The following IL13RA2 variants were observed in gnomAD, a reference collection of about 807,000 sequenced individuals.
The protein encoded by IL13RA2 is interleukin-13 receptor subunit alpha-2.
Under a neutral mutation model 34.1 loss-of-function variants are expected in IL13RA2, and 25 were observed. The ratio of observed to expected loss-of-function variants is 0.73; its 90% CI spans 0.53 to 1.03. The LOEUF (loss-of-function observed/expected upper bound fraction) is 1.03, where lower values mean the gene tolerates loss of function less well. Among genes scored for constraint, IL13RA2 ranks in the 50% least tolerant of loss-of-function variants. IL13RA2 has a pLI of 0.00. For synonymous variants in IL13RA2, 106 were observed against 100.4 expected (o/e 1.06, Z -0.33); for missense variants, 297 against 280.9 (o/e 1.06, Z -0.41).
intron 7 of IL13RA2, among the ~76,000 whole-genome samples, 200 bp from the exon 8 acceptor site, chrX:115,008,276 A>G (rs1569507213): frequency 9.0e-6 from 1 of 111,103 alleles, no homozygotes; most frequent in East Asian, 2.8e-4. Context: ...TCCCTTCTTT[A>G]TCTATATTTT....
intron 9 of IL13RA2, among the ~76,000 whole-genome samples, chrX:115,004,383 C>T (rs1280714510): frequency 9.5e-6 from 1 of 105,583 alleles, no homozygotes; most frequent in Non-Finnish European, 2.0e-5. Flanking sequence ...GGCAACATAG[C>T]GGGACTCCAT....
At chrX:115,014,358 G>A in intron 4 of IL13RA2, 63 bp downstream of exon 4, 2 of 851,754 alleles carry the variant, frequency 2.3e-6, no homozygotes, top group Admixed American at 2.5e-5. Context: ...TAAGATTAAG[G>A]GACTTATTCC....
chrX:115,011,580 T>G (rs1358077321), intron 5 of IL13RA2, among the ~76,000 whole-genome samples: 3 of 112,137 alleles, frequency 2.7e-5, no homozygotes, highest in Non-Finnish European at 5.6e-5. Flanking sequence ...CAAATCCCTG[T>G]TGAAAAGAGG....
At chrX:115,017,439 G>A in intron 1 of IL13RA2, 114 bp downstream of exon 1, 2 of 387,369 alleles carry the variant, frequency 5.2e-6, no homozygotes, top group Non-Finnish European at 9.0e-6. Context: ...CTCAGACCAT[G>A]GAAACAGAAA....
chrX:115,007,193 G>A (rs1987271154), intron 8 of IL13RA2, among the ~76,000 whole-genome samples: 1 of 111,925 alleles, frequency 8.9e-6, no homozygotes, highest in Middle Eastern at 4.7e-3. Flanking sequence ...AGATAATAGA[G>A]ATTCCACTAT....
At chrX:115,006,225 T>C (rs2071684481) in intron 8 of IL13RA2, among the ~76,000 whole-genome samples, 1 of 112,267 alleles carries the variant, frequency 8.9e-6, no homozygotes, top group Non-Finnish European at 1.9e-5. Context: ...TTCTACTGGC[T>C]TTCCCCATAC....
chrX:115,014,091 T>C (rs782677411), intron 4 of IL13RA2, among the ~76,000 whole-genome samples: 2 of 112,049 alleles, frequency 1.8e-5, no homozygotes, highest in African/African-American at 6.5e-5. Flanking sequence ...TGAGGGCTCA[T>C]TTACTCATAT....
intron 8 of IL13RA2, 122 bp downstream of exon 8, chrX:115,007,810 T>G: frequency 2.1e-6 from 1 of 465,602 alleles, no homozygotes; most frequent in South Asian, 4.7e-5. Flanking sequence ...CCTAACTTAT[T>G]CTCTCTGTTC....
intron 5 of IL13RA2, 63 bp from the exon 6 acceptor site, chrX:115,010,891 T>G (rs2071703615): frequency 4.1e-6 from 2 of 492,537 alleles, no homozygotes; most frequent in Middle Eastern, 3.6e-4. Flanking sequence ...TCAAGGCACT[T>G]CATTTTCAAT....
In IL13RA2 at chrX:115,014,481, T is replaced by C. The variant is rs2071718674; in HGVS notation, c.340A>G (p.Thr114Ala). The change falls in exon 4 of 10, where the codon ACA becomes GCA. Residue 114 changes from threonine (T) to alanine (A), a missense_variant. Transcript: ENST00000243213. ...KIHTLLPWQC[T>A]NGSEVQSSWA... ...GAACTTTGAACTTCTGATCCATTTG[T>C]GCATTGCCATGGTAAAAGCGTGTGT... The C allele has an allele frequency of 8.4e-7, 1 of 1,190,572 alleles. No individual in the cohort carries two copies.
rs1003800910 is a variant in IL13RA2, at chrX:115,010,856, G to C, written c.522-28C>G. 6 of 761,818 alleles carry C rather than the reference G, an allele frequency of 7.9e-6. No homozygotes were observed. In the Admixed American group the frequency reaches 1.6e-4, roughly 20 times the overall value. The allele number at this position is 761,818 out of a possible 1,213,427, so 62.8% of individuals were successfully genotyped here. A position where few individuals can be genotyped will look rare whatever the true frequency, so the allele number is the denominator to read the frequency against. ...GTAAAATGAGTGTTGTGAGAATTGTGTTTAAATAACAATCTTTTCCAGTAT... is the reference window on the plus strand; with the variant it reads ...GTAAAATGAGTGTTGTGAGAATTGTCTTTAAATAACAATCTTTTCCAGTAT... On this transcript the variant is annotated intron_variant, in intron 5 of 9. Transcript: ENST00000243213.
At chrX:115,006,465 T>C (rs1602972837) in intron 8 of IL13RA2, among the ~76,000 whole-genome samples, 2 of 111,385 alleles carry the variant, frequency 1.8e-5, no homozygotes, top group Non-Finnish European at 3.8e-5. Context: ...GACGGATCAC[T>C]TGAGGCCAGG....
At chrX:115,008,784 T>C (rs2071694572) in intron 7 of IL13RA2, among the ~76,000 whole-genome samples, 1 of 112,047 alleles carries the variant, frequency 8.9e-6, no homozygotes, top group Non-Finnish European at 1.9e-5. Flanking sequence ...GCTTTTCCTT[T>C]GGCATAACTT....
chrX:115,009,582 G>C lies in IL13RA2; in HGVS notation c.791C>G (p.Pro264Arg). 1 of 1,186,958 alleles carries C rather than the reference G, an allele frequency of 8.4e-7. No individual in the cohort carries two copies. Among genetic ancestry groups the C allele is most frequent in the East Asian group, 3.0e-5 (1 of 33,716 alleles). ...IKLKWSIPLG[P>R]IPARCFDYEI... ...ATAATCAAAACACCTTGCTGGAATA[G>C]GTCCCAAAGGTATGCTCCATTTCAG... Residue 264 changes from proline to arginine, a missense_variant, in exon 7 of 10, where the codon CCT becomes CGT. Coordinates refer to ENST00000243213, the MANE Select transcript of IL13RA2 (RefSeq NM_000640.3).
chrX:115,015,195 A>T (rs2071721374), intron 3 of IL13RA2, among the ~76,000 whole-genome samples: 2 of 111,778 alleles, frequency 1.8e-5, no homozygotes, highest in African/African-American at 3.2e-5. Flanking sequence ...TGAGTATATA[A>T]GTAGTTAATA....
At chrX:115,014,083 A>C (rs1556509253) in intron 4 of IL13RA2, among the ~76,000 whole-genome samples, 194 bp from the exon 5 acceptor site, 2 of 112,089 alleles carry the variant, frequency 1.8e-5, no homozygotes, top group Non-Finnish European at 3.8e-5. Context: ...AAAACATTTG[A>C]GGGCTCATTT....
chrX:115,017,198 T>C lies in IL13RA2; in HGVS notation c.72A>G (p.Ser24=). The C allele has an allele frequency of 1.1e-6, 1 of 911,582 alleles. No individual in the cohort carries two copies. The highest frequency in any genetic ancestry group is 1.6e-6 in the Non-Finnish European group (1 of 624,406). The allele number at this position is 911,582 out of a possible 1,213,427, so 75.1% of individuals were successfully genotyped here. Residue 24 remains serine, a synonymous_variant, in exon 2 of 10, where the codon TCA becomes TCG. Coordinates refer to ENST00000243213, the MANE Select transcript of IL13RA2 (RefSeq NM_000640.3). ...FLISTTFGCT[S]SSDTEIKVNP... ...TACCTTTTATCTCGGTGTCTGAAGA[T>C]GAAGTACAGCCAAATGTTGTGCTTA... is the stretch of plus-strand genomic sequence containing the variant.
At chrX:115,005,404 G>C in intron 8 of IL13RA2, 89 bp from the exon 9 acceptor site, 1 of 557,025 alleles carries the variant, frequency 1.8e-6, no homozygotes. Context: ...CTTCAGAACT[G>C]AGTTGAGCTT....
chrX:115,004,798 C>A (rs909708800), intron 9 of IL13RA2, among the ~76,000 whole-genome samples: 1 of 112,132 alleles, frequency 8.9e-6, no homozygotes, highest in African/African-American at 3.2e-5. Context: ...CAAAGGCAGG[C>A]ACCATGCTTT....
Sources: allele counts gnomAD v4.1 joint callset (sites outside exome capture counted in the v4.1 genomes callset), GRCh38; gene constraint gnomAD v4.1.1; transcripts MANE v1.5; gene names NCBI Gene and HGNC (gene_info 2026-07-23, HGNC 2026-07-21).